DLC1: variants seen among roughly 807,000 people sequenced by gnomAD.
DLC1 encodes the protein DLC1 Rho GTPase activating protein.
A neutral mutation model predicts 140.3 loss-of-function variants in DLC1; 54 were observed. That is an observed-to-expected ratio of 0.38 (90% CI 0.31 to 0.48). The LOEUF is 0.48. Among genes scored for constraint, DLC1 ranks in the 20% least tolerant of loss-of-function variants. The pLI, the probability that DLC1 is intolerant of heterozygous loss-of-function variation, is 0.96. For synonymous variants in DLC1, 986 were observed against 728.1 expected (o/e 1.35, Z -5.70); for missense variants, 2,536 against 1,907.0 (o/e 1.33, Z -6.14).
intron 1 of DLC1, among the ~76,000 whole-genome samples, chr8:13,556,204 A>C (rs1373432018): frequency 6.6e-6 from 1 of 152,126 alleles, no homozygotes; most frequent in Non-Finnish European, 1.5e-5. Context: ...TTTATGATGC[A>C]AATTCTGATT....
intron 1 of DLC1, chr8:13,604,483 T>G (rs1471398479): frequency 6.6e-6 from 1 of 152,176 alleles, no homozygotes; most frequent in Non-Finnish European, 1.5e-5. Context: ...ATAATGCACA[T>G]AGTATATTGT....
intron 2 of DLC1, among the ~76,000 whole-genome samples, chr8:13,432,462 C>T (rs912344295): frequency 1.3e-5 from 2 of 152,132 alleles, no homozygotes; most frequent in African/African-American, 2.4e-5. Context: ...TTATTTTAAT[C>T]GTACAATATT....
intron 5 of DLC1, among the ~76,000 whole-genome samples, chr8:13,138,172 G>A (rs999486197): frequency 2.0e-5 from 3 of 152,134 alleles, no homozygotes; most frequent in Admixed American, 6.5e-5. Context: ...ACTTAGGCAG[G>A]CAATGATAGT....
At chr8:13,391,056 A>T (rs999979891) in intron 4 of DLC1, among the ~76,000 whole-genome samples, 2 of 152,104 alleles carry the variant, frequency 1.3e-5, no homozygotes, top group African/African-American at 2.4e-5. Context: ...CCATTTAAAG[A>T]AAAGAAATTT....
intron 1 of DLC1, among the ~76,000 whole-genome samples, chr8:13,565,582 T>C (rs557142272): frequency 5.4e-4 from 82 of 152,332 alleles, no homozygotes; most frequent in Middle Eastern, 3.4e-3. Flanking sequence ...CTGGCTCATA[T>C]ACTTGAGAGA....
At chr8:13,257,327 C>T (rs766938872) in intron 5 of DLC1, among the ~76,000 whole-genome samples, 4 of 151,438 alleles carry the variant, frequency 2.6e-5, no homozygotes, top group Non-Finnish European at 5.9e-5. Context: ...GTCCTAGCTA[C>T]TCAGGAGGCT....
chr8:13,449,114 A>G (rs971722279), intron 2 of DLC1, among the ~76,000 whole-genome samples: 1 of 152,208 alleles, frequency 6.6e-6, no homozygotes, highest in Admixed American at 6.5e-5. Flanking sequence ...TTATGAAGCA[A>G]TTAAGAAAAA....
At chr8:13,550,757 T>A (rs1032486058) in intron 1 of DLC1, among the ~76,000 whole-genome samples, 13 of 152,128 alleles carry the variant, frequency 8.5e-5, no homozygotes, top group Admixed American at 2.6e-4. Flanking sequence ...ACTACTGGAA[T>A]CAAGCTACAT....
chr8:13,343,967 A>T (rs889793226), intron 4 of DLC1, among the ~76,000 whole-genome samples: 9 of 152,210 alleles, frequency 5.9e-5, no homozygotes, highest in Non-Finnish European at 1.2e-4. Context: ...GGTCCAAGCC[A>T]TCAAGATACT....
chr8:13,454,034 C>A (rs1454955), intron 2 of DLC1, among the ~76,000 whole-genome samples: 76,549 of 151,812 alleles, frequency 0.5, 19,954 homozygotes, highest in African/African-American at 0.63. Context: ...GCAAAATTCG[C>A]ATGTTTTAAT....
intron 2 of DLC1, among the ~76,000 whole-genome samples, chr8:13,477,220 A>G (rs2117098594): frequency 1.3e-5 from 2 of 148,788 alleles, no homozygotes; most frequent in South Asian, 4.3e-4. Flanking sequence ...GAAAAAAAAA[A>G]TACTAATCCC....
At chr8:13,314,873 T>C (rs764107603) in intron 4 of DLC1, among the ~76,000 whole-genome samples, 4 of 152,254 alleles carry the variant, frequency 2.6e-5, no homozygotes, top group Non-Finnish European at 4.4e-5. Context: ...ACACTTTTAT[T>C]ACAGGGAGAT....
chr8:13,461,050 A>G (rs1042407393), intron 2 of DLC1, among the ~76,000 whole-genome samples: 11 of 152,200 alleles, frequency 7.2e-5, no homozygotes, highest in Non-Finnish European at 1.2e-4. Context: ...CTGTCTTTAC[A>G]AAGAAATAAA....
At chr8:13,590,891 CT>C (rs1290347270) in intron 1 of DLC1, among the ~76,000 whole-genome samples, 2 of 151,956 alleles carry the variant, frequency 1.3e-5, no homozygotes, top group Non-Finnish European at 2.9e-5. Context: ...CTTTCTTTTT[CT>C]AAAAGCGATA....
At chr8:13,273,956 T>C (rs1423144127) in intron 5 of DLC1, among the ~76,000 whole-genome samples, 1 of 152,132 alleles carries the variant, frequency 6.6e-6, no homozygotes, top group Non-Finnish European at 1.5e-5. Context: ...TTAACAGAAG[T>C]ATTCTCTTCC....
At chr8:13,093,402 C>A (rs4831871) in intron 12 of DLC1, among the ~76,000 whole-genome samples, 42,539 of 151,824 alleles carry the variant, frequency 0.28, 7,060 homozygotes, top group East Asian at 0.56. Flanking sequence ...CAGTTCAGTT[C>A]AATTAATAAA....
In DLC1 at chr8:13,388,501, T is replaced by G. The variant is rs188157101; in HGVS notation, c.1314+5052A>C. ...AAGTTTTATACATAATTAATAAATA[T>G]AATTTATACTGAAAGATTGTATGAC... On this transcript the variant is annotated intron_variant, in intron 4 of 17. Coordinates refer to ENST00000276297, the MANE Select transcript of DLC1 (RefSeq NM_182643.3). Among the ~76,000 whole-genome samples the G allele has an allele frequency of 2.8e-3, 432 of 152,132 alleles. 4 individuals carry two copies. The highest frequency in any genetic ancestry group is 9.7e-3 in the African/African-American group (401 of 41,554).
At chr8:13,134,861 AGCTCT>A in intron 5 of DLC1, among the ~76,000 whole-genome samples, 1 of 152,326 alleles carries the variant, frequency 6.6e-6, no homozygotes, top group South Asian at 2.1e-4. Flanking sequence ...AGCAGAATTC[AGCTCT>A]AAAGGGTATG....
At chr8:13,192,208 C>T (rs762891888) in intron 5 of DLC1, among the ~76,000 whole-genome samples, 4 of 152,008 alleles carry the variant, frequency 2.6e-5, no homozygotes, top group Non-Finnish European at 5.9e-5. Context: ...GCCTCGGCCT[C>T]CTAAAGTGCT....
Sources: allele counts gnomAD v4.1 joint callset (sites outside exome capture counted in the v4.1 genomes callset), GRCh38; gene constraint gnomAD v4.1.1; transcripts MANE v1.5; gene names NCBI Gene and HGNC (gene_info 2026-07-23, HGNC 2026-07-21).